The following CEP83 variants were observed in gnomAD, a reference collection of about 807,000 sequenced individuals.
CEP83 encodes the protein centrosomal protein of 83 kDa.
In CEP83, 70 loss-of-function variants were observed where a neutral mutation model predicts 101.9. That is an observed-to-expected ratio of 0.69 (90% CI 0.57 to 0.84). CEP83 has a LOEUF of 0.84. CEP83 is among the 40% of genes least tolerant of loss of function. The probability of loss-of-function intolerance (pLI) is 0.00; values close to 1 mark genes in which losing one functional copy is unlikely to be tolerated. For synonymous variants in CEP83, 264 were observed against 267.9 expected (o/e 0.99, Z 0.14); for missense variants, 715 against 787.2 (o/e 0.91, Z 1.10).
chr12:94,402,231 A>C (rs1427004724), intron 5 of CEP83: 1 of 152,158 alleles, frequency 6.6e-6, no homozygotes, highest in African/African-American at 2.4e-5. Flanking sequence ...TCTTTCAACA[A>C]ATATTAATTG....
chr12:94,279,192 C>G, the CEP83 span, among the ~76,000 whole-genome samples: 1 of 152,080 alleles, frequency 6.6e-6, no homozygotes, highest in African/African-American at 2.4e-5. Context: ...CACCAAATTA[C>G]CATTTTTAGA....
rs2063935801 is a variant in CEP83, at chr12:94,412,302, GATTTAAGTA to G, written c.173+7_173+15del. ...TTTTTAAAACCAAACCCCACTTCTA[GATTTAAGTA>G]ATTTACCTTGTGTGTTCAGCCTTCA... On this transcript the variant is annotated splice_region_variant and intron_variant, in intron 3 of 16. Transcript: ENST00000397809. 6.3e-7 allele frequency: 1 copy of G among 1,576,342 alleles called. No homozygotes were observed. Among genetic ancestry groups the G allele is most frequent in the Non-Finnish European group, 8.6e-7 (1 of 1,164,218 alleles).
intron 4 of CEP83, among the ~76,000 whole-genome samples, chr12:94,411,145 T>C (rs1198525061): frequency 6.6e-6 from 1 of 152,202 alleles, no homozygotes; most frequent in African/African-American, 2.4e-5. Flanking sequence ...AGTCTGGCTT[T>C]GCTCAATTTT....
chr12:94,350,677 T>C (rs924540118), intron 11 of CEP83, among the ~76,000 whole-genome samples: 6 of 151,992 alleles, frequency 3.9e-5, no homozygotes, highest in African/African-American at 1.4e-4. Flanking sequence ...CAAAAGATAC[T>C]TATCAACAGA....
intron 14 of CEP83, among the ~76,000 whole-genome samples, chr12:94,320,024 G>A (rs2365453): frequency 0.26 from 39,240 of 152,044 alleles, 5,382 homozygotes; most frequent in South Asian, 0.34. Flanking sequence ...TTATGAATCC[G>A]GGTGCTCCTA....
At chr12:94,287,660 T>C in the CEP83 span, among the ~76,000 whole-genome samples, 1 of 152,162 alleles carries the variant, frequency 6.6e-6, no homozygotes, top group Admixed American at 6.5e-5. Context: ...GCTAACAAAT[T>C]TGTAATTCAA....
At chr12:94,446,567 G>T (rs999295320) in intron 1 of CEP83, among the ~76,000 whole-genome samples, 1 of 152,050 alleles carries the variant, frequency 6.6e-6, no homozygotes. Flanking sequence ...AATTAGCCGG[G>T]TGTGGTGGTG....
intron 11 of CEP83, among the ~76,000 whole-genome samples, chr12:94,362,348 G>A (rs189012354): frequency 3.8e-4 from 58 of 152,292 alleles, no homozygotes; most frequent in Non-Finnish European, 6.2e-4. Context: ...GGCCAAGTGC[G>A]GTGGCTCACG....
the CEP83 span, chr12:94,272,114 A>G: frequency 1.3e-5 from 2 of 151,904 alleles, no homozygotes; most frequent in African/African-American, 2.4e-5. Flanking sequence ...TGGACCATAC[A>G]TTTTCCAATA....
At chr12:94,355,994 C>A (rs1018963766) in intron 11 of CEP83, among the ~76,000 whole-genome samples, 10 of 152,182 alleles carry the variant, frequency 6.6e-5, no homozygotes, top group Admixed American at 2.0e-4. Context: ...CCACTTCACA[C>A]CTCTATATTT....
chr12:94,337,804 A>G (rs930824410), intron 11 of CEP83, among the ~76,000 whole-genome samples: 1 of 152,184 alleles, frequency 6.6e-6, no homozygotes, highest in Non-Finnish European at 1.5e-5. Context: ...GAGAGATGGG[A>G]TTAAAAGCAC....
At chr12:94,445,571 A>G (rs2066739657) in intron 1 of CEP83, among the ~76,000 whole-genome samples, 1 of 152,230 alleles carries the variant, frequency 6.6e-6, no homozygotes, top group South Asian at 2.1e-4. Flanking sequence ...CTCAGGGGAA[A>G]AACTGCAAAT....
chr12:94,367,257 T>C (rs1299793454), intron 11 of CEP83, among the ~76,000 whole-genome samples: 3 of 152,038 alleles, frequency 2.0e-5, no homozygotes, highest in East Asian at 1.9e-4. Context: ...AGGGAAAAAA[T>C]AGTAATTTTA....
At chr12:94,437,204 GGCATGGTGGTGTGGGCCTGTAGTCCCA>G (rs2066059860) in intron 1 of CEP83, among the ~76,000 whole-genome samples, 1 of 152,016 alleles carries the variant, frequency 6.6e-6, no homozygotes, top group Non-Finnish European at 1.5e-5. Context: ...AAATTACCTA[GGCATGGTGGTGTGGGCCTGTAGTCCCA>G]GCTACTAGGA....
chr12:94,291,615 C>A, the CEP83 span, among the ~76,000 whole-genome samples: 1 of 152,252 alleles, frequency 6.6e-6, no homozygotes, highest in East Asian at 1.9e-4. Flanking sequence ...AATTGAGCAA[C>A]CATTGCCACA....
chr12:94,300,674 C>T, the CEP83 span, among the ~76,000 whole-genome samples: 2 of 152,070 alleles, frequency 1.3e-5, no homozygotes, highest in Non-Finnish European at 2.9e-5. Flanking sequence ...AAAATTCTTG[C>T]CCATGGCCAC....
chr12:94,422,388 G>A (rs192901544), intron 2 of CEP83, among the ~76,000 whole-genome samples: 52 of 152,282 alleles, frequency 3.4e-4, no homozygotes, highest in African/African-American at 1.1e-3. Flanking sequence ...TGATTTCCGC[G>A]ACACTGAATA....
chr12:94,340,224 T>A (rs747091755), intron 11 of CEP83, among the ~76,000 whole-genome samples: 22 of 152,230 alleles, frequency 1.4e-4, no homozygotes, highest in Non-Finnish European at 2.9e-4. Flanking sequence ...CAGGATATCA[T>A]AAATGTTCAG....
At chr12:94,366,260 G>C in intron 11 of CEP83, among the ~76,000 whole-genome samples, 1 of 151,976 alleles carries the variant, frequency 6.6e-6, no homozygotes, top group East Asian at 1.9e-4. Context: ...AGAATAGAAA[G>C]AATAAACCTG....
Sources: gnomAD v4.1 joint callset for allele counts (sites outside exome capture counted in the v4.1 genomes callset) on GRCh38, gnomAD v4.1.1 for gene constraint, MANE v1.5 for transcripts, NCBI Gene and HGNC (gene_info 2026-07-23, HGNC 2026-07-21) for gene names.